Variants in GPHN observed in about 807,000 individuals in gnomAD.
GPHN encodes gephyrin.
GPHN carries 17 observed loss-of-function variants against 95.5 expected under a neutral mutation model. The ratio of observed to expected loss-of-function variants is 0.18; its 90% CI spans 0.12 to 0.27. The LOEUF (loss-of-function observed/expected upper bound fraction) is 0.27. Ranked by LOEUF, GPHN falls within the 10% of genes least tolerant of loss-of-function variation. The pLI is 1.00. For missense variants in GPHN, 660 were observed against 978.1 expected, an observed-to-expected ratio of 0.67 and a Z score of 4.34; for synonymous variants, 320 against 322.5, an observed-to-expected ratio of 0.99 and a Z score of 0.08.
chr14:67,134,946 C>CTTTTTTTTTTTTTTTTTT (rs1191759117), intron 17 of GPHN, among the ~76,000 whole-genome samples: 1 of 59,162 alleles, frequency 1.7e-5, no homozygotes, highest in Non-Finnish European at 3.6e-5. Flanking sequence ...CTCTTTCTTT[C>CTTTTTTTTTTTTTTTTTT]TTTCTTCTTT....
chr14:67,559,402 C>T, the GPHN span, among the ~76,000 whole-genome samples: 10,236 of 152,238 alleles, frequency 0.067, 450 homozygotes, highest in East Asian at 0.18. Context: ...CCAACCCCTT[C>T]GTGGTGAACA....
the GPHN span, chr14:67,593,404 T>G: frequency 3.8e-6 from 1 of 265,406 alleles, no homozygotes; most frequent in Non-Finnish European, 7.2e-6. Context: ...GGTGGGAGAA[T>G]GGCTTGAGCC....
At chr14:67,450,814 G>A in the GPHN span, among the ~76,000 whole-genome samples, 43 of 152,240 alleles carry the variant, frequency 2.8e-4, no homozygotes, top group Non-Finnish European at 3.5e-4. Context: ...CAAGCTGGCT[G>A]CAGAAATTTG....
the GPHN span, among the ~76,000 whole-genome samples, chr14:67,448,120 C>CTTTTTTTTTTTTTTT: frequency 2.2e-4 from 8 of 36,050 alleles, 2 homozygotes; most frequent in African/African-American, 7.9e-4. Context: ...ATAGCCCATT[C>CTTTTTTTTTTTTTTT]TTTTTTTTTT....
rs2065681991 is a variant in GPHN at position 66,661,917 on chromosome 14, C to T, written c.65-19190C>T. On this transcript the variant is annotated intron_variant, in intron 1 of 22. Transcript: ENST00000478722. ...CTATGAAACCATGGCCATCCTGCTT[C>T]CTTAAGCAGTCCCCGATCTATTCCT... Among the ~76,000 whole-genome samples, 5 of 152,312 alleles carry T rather than the reference C, an allele frequency of 3.3e-5. No homozygotes were observed. In the South Asian group the frequency reaches 1.0e-3, roughly 32 times the overall value.
the GPHN span, among the ~76,000 whole-genome samples, chr14:67,422,577 AAAG>A: frequency 5.3e-5 from 8 of 152,216 alleles, no homozygotes; most frequent in South Asian, 1.4e-3. Flanking sequence ...TCCTTTCCAC[AAAG>A]AAGTTGGGCC....
intron 1 of GPHN, among the ~76,000 whole-genome samples, chr14:66,516,630 C>T (rs2058257948): frequency 6.6e-6 from 1 of 152,170 alleles, no homozygotes; most frequent in South Asian, 2.1e-4. Flanking sequence ...ATTTCAGGAT[C>T]ATGGCTAAAT....
intron 10 of GPHN, among the ~76,000 whole-genome samples, chr14:67,039,784 C>A (rs1034226432): frequency 1.3e-5 from 2 of 152,156 alleles, no homozygotes; most frequent in Non-Finnish European, 2.9e-5. Flanking sequence ...CAGAGCAAGA[C>A]CCTGTCTCAA....
intron 1 of GPHN, among the ~76,000 whole-genome samples, chr14:66,572,702 A>C (rs1429870378): frequency 6.6e-6 from 1 of 152,116 alleles, no homozygotes; most frequent in Non-Finnish European, 1.5e-5. Flanking sequence ...GCTGTCAGCA[A>C]CCAAAGACAA....
chr14:66,636,029 T>G (rs914453110), intron 1 of GPHN, among the ~76,000 whole-genome samples: 72 of 152,166 alleles, frequency 4.7e-4, no homozygotes, highest in African/African-American at 1.7e-3. Flanking sequence ...AAGATTTGTT[T>G]AATGTGTATT....
chr14:67,560,023 T>A, the GPHN span, among the ~76,000 whole-genome samples: 53 of 152,208 alleles, frequency 3.5e-4, 1 homozygote, highest in South Asian at 6.6e-3. Flanking sequence ...TCTTTTATTT[T>A]TATTTATTTA....
the GPHN span, among the ~76,000 whole-genome samples, chr14:67,456,443 A>C: frequency 1.6e-4 from 24 of 152,230 alleles, no homozygotes; most frequent in African/African-American, 5.8e-4. Flanking sequence ...TCTACTAAAA[A>C]TACAAAAAAT....
At chr14:66,535,691 A>T (rs1212603770) in intron 1 of GPHN, among the ~76,000 whole-genome samples, 1 of 152,088 alleles carries the variant, frequency 6.6e-6, no homozygotes, top group Non-Finnish European at 1.5e-5. Flanking sequence ...TGTTAGCGTT[A>T]TGGCTAGCTA....
At chr14:67,164,450 T>C (rs571216921) in intron 19 of GPHN, among the ~76,000 whole-genome samples, 23 of 152,240 alleles carry the variant, frequency 1.5e-4, no homozygotes, top group African/African-American at 5.5e-4. Flanking sequence ...AAAATACTCA[T>C]TTTGAACAAT....
At chr14:67,525,704 T>G in the GPHN span, among the ~76,000 whole-genome samples, 1 of 152,258 alleles carries the variant, frequency 6.6e-6, no homozygotes, top group Non-Finnish European at 1.5e-5. Flanking sequence ...CAGTTTATTA[T>G]GCTTGACGGG....
At chr14:66,624,824 T>C (rs1475354571) in intron 1 of GPHN, among the ~76,000 whole-genome samples, 1 of 152,228 alleles carries the variant, frequency 6.6e-6, no homozygotes, top group Admixed American at 6.5e-5. Context: ...CCTTAGACAG[T>C]ATTCCTAAGG....
intron 4 of GPHN, among the ~76,000 whole-genome samples, chr14:66,834,651 G>T (rs1355398452): frequency 1.3e-5 from 2 of 151,562 alleles, no homozygotes; most frequent in East Asian, 3.9e-4. Context: ...GCTGGATTCG[G>T]TTTGCCAGTA....
the GPHN span, chr14:67,349,157 C>T: frequency 6.5e-7 from 1 of 1,527,644 alleles, no homozygotes; most frequent in Non-Finnish European, 9.1e-7. Context: ...AATAAACCTA[C>T]AGGGACCCAC....
At chr14:67,522,168 G>A in the GPHN span, among the ~76,000 whole-genome samples, 30 of 152,186 alleles carry the variant, frequency 2.0e-4, no homozygotes, top group East Asian at 5.8e-4. Context: ...GTGAGACTCC[G>A]TCTCAAAACA....
Sources: allele counts gnomAD v4.1 joint callset (sites outside exome capture counted in the v4.1 genomes callset), GRCh38; gene constraint gnomAD v4.1.1; transcripts MANE v1.5; gene names NCBI Gene and HGNC (gene_info 2026-07-23, HGNC 2026-07-21).